Variants in FCGR2A observed in about 807,000 individuals in gnomAD.
FCGR2A encodes Fc gamma receptor IIa, also known as low affinity immunoglobulin gamma Fc region receptor II-a.
FCGR2A carries 18 observed loss-of-function variants against 29.3 expected under a neutral mutation model. That is an observed-to-expected ratio of 0.62 (90% CI 0.43 to 0.91). The LOEUF is 0.91. FCGR2A is among the 40% of genes least tolerant of loss of function. The pLI, the probability that FCGR2A is intolerant of heterozygous loss-of-function variation, is 0.00. For missense variants in FCGR2A, 287 were observed against 393.0 expected, an observed-to-expected ratio of 0.73 and a Z score of 2.28; for synonymous variants, 126 against 144.8, an observed-to-expected ratio of 0.87 and a Z score of 0.93.
chr1:161,513,786 C>T lies in FCGR2A; in HGVS notation c.743-109C>T, dbSNP rs1675967301. ...GCCTTACAGGACTGTGTCAAGGGGTCAGCAGTCCTTGCTTTGAGTCTGGTT... is the reference window on the plus strand; with the variant it reads ...GCCTTACAGGACTGTGTCAAGGGGTTAGCAGTCCTTGCTTTGAGTCTGGTT... On this transcript the variant is annotated intron_variant, in intron 5 of 6. Coordinates refer to ENST00000271450, the MANE Select transcript of FCGR2A (RefSeq NM_001136219.3). The T allele has an allele frequency of 2.7e-6, 4 of 1,496,994 alleles. No individual in the cohort carries two copies. The African/African-American group carries it at 5.5e-5, about 21-fold the overall frequency. 92.7% of individuals were successfully genotyped at this position (1,496,994 alleles called of 1,614,324 possible). A position where few individuals can be genotyped will look rare whatever the true frequency, so the allele number is the denominator to read the frequency against.
intron 6 of FCGR2A, among the ~76,000 whole-genome samples, chr1:161,515,075 T>C (rs1363334620): frequency 6.6e-6 from 1 of 152,298 alleles, no homozygotes; most frequent in Non-Finnish European, 1.5e-5. Context: ...AGTGAGGATG[T>C]TTAAATCTAG....
chr1:161,522,916 C>G (rs978791992), downstream of FCGR2A: 19 of 152,200 alleles, frequency 1.2e-4, no homozygotes, highest in East Asian at 3.9e-4. Flanking sequence ...TCCTGCCTCC[C>G]TCTTAAAAAG....
At chr1:161,515,499 A>G (rs948964644) in intron 6 of FCGR2A, among the ~76,000 whole-genome samples, 1 of 152,108 alleles carries the variant, frequency 6.6e-6, no homozygotes, top group Non-Finnish European at 1.5e-5. Context: ...TCCAGTCTCA[A>G]TAAGATTGAC....
downstream of FCGR2A, chr1:161,522,907 C>T (rs1480054635): frequency 1.3e-5 from 2 of 152,048 alleles, no homozygotes; most frequent in Non-Finnish European, 2.9e-5. Flanking sequence ...CTTCTGGACT[C>T]CTGCCTCCCT....
intron 3 of FCGR2A, among the ~76,000 whole-genome samples, chr1:161,509,542 G>A (rs1247300482): frequency 2.0e-5 from 3 of 152,080 alleles, no homozygotes; most frequent in African/African-American, 7.2e-5. Flanking sequence ...ACTGAAATGC[G>A]CTCATTTCTC....
chr1:161,510,311 GC>G, intron 4 of FCGR2A: 1 of 749,484 alleles, frequency 1.3e-6, no homozygotes, highest in South Asian at 1.7e-5. Context: ...TGAAATGTAG[GC>G]CCCAGACTAA....
In FCGR2A at chr1:161,518,218, A is replaced by C; in HGVS notation, c.*70A>C. ...GGATGACAAAAAGAGGGGAATTGTTAAAGGAAAATTTAAATGGAGACTGGA... is the reference window on the plus strand; with the variant it reads ...GGATGACAAAAAGAGGGGAATTGTTCAAGGAAAATTTAAATGGAGACTGGA... On this transcript the variant is annotated 3_prime_UTR_variant, in exon 7 of 7. Transcript: ENST00000271450. The C allele has an allele frequency of 6.4e-7, 1 of 1,567,096 alleles. No homozygotes were observed. Among genetic ancestry groups the C allele is most frequent in the Non-Finnish European group, 8.6e-7 (1 of 1,159,548 alleles).
downstream of FCGR2A, among the ~76,000 whole-genome samples, chr1:161,520,871 A>C (rs1676426794): frequency 6.6e-6 from 1 of 152,006 alleles, no homozygotes; most frequent in Admixed American, 6.6e-5. Flanking sequence ...AGGATGCTAC[A>C]GGATCTTGCT....
At position 161,506,348 on chromosome 1, in the gene FCGR2A, G is replaced by T. The variant is rs772595513; in HGVS notation, c.121G>T (p.Ala41Ser). The T allele has an allele frequency of 6.2e-7, 1 of 1,614,168 alleles. No homozygotes were observed. Among genetic ancestry groups the T allele is most frequent in the Non-Finnish European group, 8.5e-7 (1 of 1,180,042 alleles). ...ADSQAAAPPK[A>S]VLKLEPPWIN... is the part of the protein sequence containing the mutation. Reference sequence around the variant, plus strand: ...CTGCCCCTCAGCAGCTCCCCCAAAGGCTGTGCTGAAACTTGAGCCCCCGTG... The same window carrying T: ...CTGCCCCTCAGCAGCTCCCCCAAAGTCTGTGCTGAAACTTGAGCCCCCGTG... Residue 41 changes from alanine to serine, a missense_variant, in exon 3 of 7, where the codon GCT becomes TCT. Coordinates refer to ENST00000271450, the MANE Select transcript of FCGR2A (RefSeq NM_001136219.3).
chr1:161,513,993 C>T lies in FCGR2A; in HGVS notation c.780+61C>T, dbSNP rs1675986462. On this transcript the variant is annotated intron_variant, in intron 6 of 6. Coordinates refer to ENST00000271450, the MANE Select transcript of FCGR2A (RefSeq NM_001136219.3). ...TTGTCCCTTCTCTCCTGTTTCCTCTCATTTTTGCCTTTGTTAATGCAAAAT... is the reference window on the plus strand; with the variant it reads ...TTGTCCCTTCTCTCCTGTTTCCTCTTATTTTTGCCTTTGTTAATGCAAAAT... The T allele has an allele frequency of 1.9e-6, 3 of 1,610,064 alleles. No homozygotes were observed. The East Asian group carries it at 6.7e-5, about 36-fold the overall frequency.
In FCGR2A at chr1:161,509,889, G is replaced by A. The variant is rs912139222; in HGVS notation, c.434G>A (p.Ser145Asn). Residue 145 changes from serine to asparagine, a missense_variant, in exon 4 of 7, where the codon AGC (serine) becomes AAC (asparagine). Physicochemically the swap from Ser to Asn is conservative, Grantham distance 46. Around this residue, in one of 3 missense-constraint regions of FCGR2A, gnomAD observed 181 missense variants for 250.9 expected, o/e 0.72. Transcript: ENST00000271450. The part of the protein sequence containing the change: ...EGETIMLRCH[S>N]WKDKPLVKVT... ...GAAACCATCATGCTGAGGTGCCACA[G>A]CTGGAAGGACAAGCCTCTGGTCAAG... The A allele has an allele frequency of 1.2e-6, 2 of 1,614,220 alleles. No individual in the cohort carries two copies. The highest frequency in any genetic ancestry group is 2.7e-5 in the African/African-American group (2 of 75,052).
rs548674889 is a variant in FCGR2A, at chr1:161,519,566, A to C, written c.*1418A>C. ...CCTTTGTAATAAAACATTATAACCA[A>C]AACATTCTGTTTACCTTTTCAGGGC... On this transcript the variant is annotated 3_prime_UTR_variant, in exon 7 of 7. Coordinates refer to ENST00000271450, the MANE Select transcript of FCGR2A (RefSeq NM_001136219.3). 6 of 152,168 alleles carry C rather than the reference A, an allele frequency of 3.9e-5. No individual in the cohort carries two copies. The East Asian group carries it at 1.1e-3, about 29-fold the overall frequency. 9.4% of individuals were successfully genotyped at this position (152,168 alleles called of 1,614,324 possible).
In FCGR2A at chr1:161,516,509, A is replaced by G. The variant is rs1170008739; in HGVS notation, c.781-1466A>G. Among the ~76,000 whole-genome samples the G allele has an allele frequency of 2.0e-5, 3 of 152,098 alleles. No homozygotes were observed. In the East Asian group the frequency reaches 5.8e-4, roughly 29 times the overall value. ...TTTAAAAACTAAAGTTGACTGATAA[A>G]AAGTCAGTAAAGTCTCTTGGATATC... is the stretch of plus-strand genomic sequence containing the variant. On this transcript the variant is annotated intron_variant, in intron 6 of 6. Transcript: ENST00000271450.
At chr1:161,505,882 G>A in intron 1 of FCGR2A, 105 bp from the exon 2 acceptor site, 1 of 1,091,372 alleles carries the variant, frequency 9.2e-7, no homozygotes, top group South Asian at 1.2e-5. Flanking sequence ...ATGGGTCCTG[G>A]AGAAGGAAGA....
At chr1:161,510,411 T>C (rs1675693625) in intron 4 of FCGR2A, 2 of 533,248 alleles carry the variant, frequency 3.8e-6, no homozygotes, top group Non-Finnish European at 6.8e-6. Context: ...CCTCGTTTCT[T>C]CTCATGGCTC....
intron 5 of FCGR2A, among the ~76,000 whole-genome samples, chr1:161,511,972 C>T (rs529662658): frequency 3.9e-5 from 6 of 152,240 alleles, no homozygotes; most frequent in Non-Finnish European, 5.9e-5. Flanking sequence ...ATCGCTTGGT[C>T]AACTCTGAGT....
intron 3 of FCGR2A, among the ~76,000 whole-genome samples, chr1:161,507,957 T>A (rs7532275): frequency 0.1 from 15,023 of 150,974 alleles, 925 homozygotes; most frequent in Middle Eastern, 0.15. Flanking sequence ...ATGGTGGCGC[T>A]TGCCTGTAAT....
At chr1:161,521,332 T>A (rs1319179501), downstream of FCGR2A, among the ~76,000 whole-genome samples, 1 of 151,976 alleles carries the variant, frequency 6.6e-6, no homozygotes, top group African/African-American at 2.4e-5. Context: ...GCTTAATAAA[T>A]ATGTGCGGAA....
rs201954965 is a variant in FCGR2A, at chr1:161,506,370, C to A, written c.143C>A (p.Pro48Gln). 8.7e-6 allele frequency: 14 copies of A among 1,614,100 alleles called. No homozygotes were observed. Among genetic ancestry groups the A allele is most frequent in the Middle Eastern group, 1.6e-4 (1 of 6,078 alleles). ...AAGGCTGTGCTGAAACTTGAGCCCC[C>A]GTGGATCAACGTGCTCCAGGAGGAC... The part of the protein sequence containing the change: ...PPKAVLKLEP[P>Q]WINVLQEDSV... The change falls in exon 3 of 7, where the codon CCG becomes CAG. Residue 48 changes from proline (P) to glutamine (Q), a missense_variant. Pro to Gln is a moderately conservative substitution (Grantham distance 76, BLOSUM62 -1). Around this residue, in one of 3 missense-constraint regions of FCGR2A, gnomAD observed 181 missense variants for 250.9 expected, o/e 0.72. Transcript: ENST00000271450.
Sources: allele counts gnomAD v4.1 joint callset (sites outside exome capture counted in the v4.1 genomes callset), GRCh38; gene constraint gnomAD v4.1.1; regional missense constraint gnomAD v4.1.1; transcripts MANE v1.5; gene names NCBI Gene and HGNC (gene_info 2026-07-23, HGNC 2026-07-21).